Variants in MARCHF1 observed in about 807,000 individuals in gnomAD.
The protein encoded by MARCHF1 is E3 ubiquitin-protein ligase MARCHF1.
Under a neutral mutation model 54.2 loss-of-function variants are expected in MARCHF1, and 40 were observed. That is an observed-to-expected ratio of 0.74 (90% confidence interval 0.57 to 0.96). The LOEUF (loss-of-function observed/expected upper bound fraction) is 0.96. Ranked by LOEUF, MARCHF1 falls within the 40% of genes least tolerant of loss-of-function variation. MARCHF1 has a pLI of 0.00. For synonymous variants in MARCHF1, 236 were observed against 236.3 expected, an observed-to-expected ratio of 1.00 and a Z score of 0.01; for missense variants, 586 against 656.5, an observed-to-expected ratio of 0.89 and a Z score of 1.17.
In MARCHF1 at chr4:164,241,037, G is replaced by A. The variant is rs1400891369; in HGVS notation, c.-322-129375C>T. Among the ~76,000 whole-genome samples the A allele has an allele frequency of 2.0e-5, 3 of 151,984 alleles. No homozygotes were observed. In the East Asian group the frequency reaches 5.8e-4, roughly 29 times the overall value. Reference sequence around the variant, plus strand: ...TACTCCTATAGGTAAGACCACTATCGTAAAACCTAAGATTGGTCTTTCAGA... The same window carrying A: ...TACTCCTATAGGTAAGACCACTATCATAAAACCTAAGATTGGTCTTTCAGA... On this transcript the variant is annotated intron_variant, in intron 1 of 9. Transcript: ENST00000514618.
At chr4:164,142,513 C>A (rs1306209925) in intron 1 of MARCHF1, among the ~76,000 whole-genome samples, 2 of 152,160 alleles carry the variant, frequency 1.3e-5, no homozygotes, top group African/African-American at 4.8e-5. Flanking sequence ...GGTCCCTGAC[C>A]CCTGACCCCC....
chr4:163,682,645 T>G (rs902398174), intron 5 of MARCHF1, among the ~76,000 whole-genome samples: 3 of 152,272 alleles, frequency 2.0e-5, no homozygotes, highest in African/African-American at 7.2e-5. Flanking sequence ...AGGGACCCAG[T>G]GGGAGGTAAT....
intron 1 of MARCHF1, among the ~76,000 whole-genome samples, chr4:164,153,079 A>G (rs1729986566): frequency 2.0e-5 from 3 of 151,656 alleles, no homozygotes; most frequent in African/African-American, 4.9e-5. Flanking sequence ...TGCAGAATAA[A>G]TCTTTTCAAA....
chr4:163,826,307 G>T (rs1187603945), intron 4 of MARCHF1, among the ~76,000 whole-genome samples: 3 of 151,934 alleles, frequency 2.0e-5, no homozygotes, highest in Non-Finnish European at 4.4e-5. Flanking sequence ...GATACCTTTG[G>T]AGGGTTTAAG....
intron 1 of MARCHF1, among the ~76,000 whole-genome samples, chr4:164,130,879 C>T (rs750095637): frequency 7.9e-5 from 12 of 152,190 alleles, no homozygotes; most frequent in Middle Eastern, 3.4e-3. Context: ...TTTTCTCTTC[C>T]CATTACATGT....
At chr4:163,830,782 T>G (rs1301813525) in intron 4 of MARCHF1, among the ~76,000 whole-genome samples, 1 of 151,950 alleles carries the variant, frequency 6.6e-6, no homozygotes, top group Non-Finnish European at 1.5e-5. Flanking sequence ...AAAGAAAAAT[T>G]TTTAAAAATA....
At chr4:163,779,856 T>A (rs1367301996) in intron 4 of MARCHF1, among the ~76,000 whole-genome samples, 1 of 151,888 alleles carries the variant, frequency 6.6e-6, no homozygotes, top group Non-Finnish European at 1.5e-5. Context: ...CATAGATCCA[T>A]CCCCTGGGCA....
At chr4:163,660,191 G>A (rs1743295701) in intron 5 of MARCHF1, among the ~76,000 whole-genome samples, 1 of 151,950 alleles carries the variant, frequency 6.6e-6, no homozygotes, top group African/African-American at 2.4e-5. Flanking sequence ...AAGAAAATGT[G>A]GCACATATAT....
intron 1 of MARCHF1, among the ~76,000 whole-genome samples, chr4:164,345,427 C>T (rs987094183): frequency 6.6e-6 from 1 of 151,864 alleles, no homozygotes; most frequent in Non-Finnish European, 1.5e-5. Flanking sequence ...CAAAAATTAC[C>T]TGGGTGTAGT....
At chr4:163,879,752 T>C (rs1397749163) in intron 3 of MARCHF1, among the ~76,000 whole-genome samples, 1 of 152,120 alleles carries the variant, frequency 6.6e-6, no homozygotes, top group African/African-American at 2.4e-5. Context: ...ATACAATGAA[T>C]ATTTGTGCTT....
intron 1 of MARCHF1, among the ~76,000 whole-genome samples, chr4:164,296,246 T>C (rs773033004): frequency 5.3e-5 from 8 of 152,222 alleles, no homozygotes; most frequent in Non-Finnish European, 1.2e-4. Context: ...CTGAGGGCCA[T>C]TGGCTTTGTG....
At chr4:164,088,667 A>T (rs1233925967) in intron 2 of MARCHF1, among the ~76,000 whole-genome samples, 1 of 152,264 alleles carries the variant, frequency 6.6e-6, no homozygotes, top group Non-Finnish European at 1.5e-5. Context: ...GAGCCCCAGG[A>T]GGCTGAAGCT....
At chr4:164,381,861 T>C (rs769422715) in intron 1 of MARCHF1, among the ~76,000 whole-genome samples, 1 of 152,122 alleles carries the variant, frequency 6.6e-6, no homozygotes, top group Admixed American at 6.5e-5. Context: ...GAAAGACGAC[T>C]TCAGATAAAA....
intron 3 of MARCHF1, among the ~76,000 whole-genome samples, chr4:163,959,987 C>T (rs753588222): frequency 5.9e-5 from 9 of 151,736 alleles, no homozygotes; most frequent in Non-Finnish European, 1.2e-4. Context: ...CATTAAAAAG[C>T]GAGCAAAGGA....
intron 1 of MARCHF1, among the ~76,000 whole-genome samples, chr4:164,162,843 A>G (rs561446403): frequency 6.6e-6 from 1 of 152,284 alleles, no homozygotes; most frequent in East Asian, 1.9e-4. Flanking sequence ...AAAAAAGAGC[A>G]GGACGTATAT....
At chr4:164,020,767 C>CA (rs1167254577) in intron 2 of MARCHF1, among the ~76,000 whole-genome samples, 1 of 152,092 alleles carries the variant, frequency 6.6e-6, no homozygotes, top group Non-Finnish European at 1.5e-5. Flanking sequence ...CCCATCTCTA[C>CA]AAAAAATACA....
intron 3 of MARCHF1, among the ~76,000 whole-genome samples, chr4:163,874,628 A>G (rs1304670234): frequency 6.6e-6 from 1 of 152,214 alleles, no homozygotes; most frequent in Non-Finnish European, 1.5e-5. Context: ...GGCTACAGGC[A>G]TATACCAGAC....
rs1447402388 is a variant in MARCHF1, at chr4:163,527,753, T to C, written c.*995A>G. ...GCTATCCAATATAGTTAATTCAAGT[T>C]GAAGTGTACTTTTAAATTACCAACT... On this transcript the variant is annotated 3_prime_UTR_variant, in exon 10 of 10. Transcript: ENST00000514618. 2 of 113,660 alleles carry C rather than the reference T, an allele frequency of 1.8e-5. No homozygotes were observed. Among genetic ancestry groups the C allele is most frequent in the Non-Finnish European group, 4.0e-5 (2 of 50,060 alleles). 7.0% of individuals were successfully genotyped at this position (113,660 alleles called of 1,614,324 possible). A position where few individuals can be genotyped will look rare whatever the true frequency, so the allele number is the denominator to read the frequency against.
At chr4:163,769,466 A>G (rs75700697) in intron 4 of MARCHF1, among the ~76,000 whole-genome samples, 3,676 of 152,278 alleles carry the variant, frequency 0.024, 66 homozygotes, top group East Asian at 0.074. Flanking sequence ...TCTATAAGGT[A>G]GGTTCACACA....
Sources: gnomAD v4.1 joint callset for allele counts (sites outside exome capture counted in the v4.1 genomes callset) on GRCh38, gnomAD v4.1.1 for gene constraint, MANE v1.5 for transcripts, NCBI Gene and HGNC (gene_info 2026-07-23, HGNC 2026-07-21) for gene names.